The following TAS2R1 variants were observed in gnomAD, a reference collection of about 807,000 sequenced individuals.
TAS2R1 encodes the protein taste 2 receptor member 1, also known as taste receptor type 2 member 1.
For synonymous variants in TAS2R1, 141 were observed against 134.2 expected, an observed-to-expected ratio of 1.05 and a Z score of -0.35; for missense variants, 370 against 353.4, an observed-to-expected ratio of 1.05 and a Z score of -0.38.
intron 2 of TAS2R1, among the ~76,000 whole-genome samples, chr5:9,637,496 T>G (rs1739985855): frequency 6.6e-6 from 1 of 152,202 alleles, no homozygotes; most frequent in Admixed American, 6.5e-5. Context: ...CAGGGAAGCT[T>G]TGCTCAATTA....
At chr5:9,854,303 G>A in the TAS2R1 span, 1 of 151,654 alleles carries the variant, frequency 6.6e-6, no homozygotes, top group South Asian at 2.1e-4. Flanking sequence ...ATTGGATTAG[G>A]GCCTCACCTG....
Position 9,671,648 on chromosome 5 carries a change from A to G in TAS2R1, c.-241-12067T>C, listed in dbSNP as rs1450972103. Reference sequence around the variant, plus strand: ...CTTAAAGAACTCAGAGATAAAAAAAACAAATGGAAAAATATCCCATGTTCA... The same window carrying G: ...CTTAAAGAACTCAGAGATAAAAAAAGCAAATGGAAAAATATCCCATGTTCA... On this transcript the variant is annotated intron_variant, in intron 1 of 2. Transcript: ENST00000506620. Among the ~76,000 whole-genome samples, 4 of 152,192 alleles carry G rather than the reference A, an allele frequency of 2.6e-5. No individual in the cohort carries two copies. The East Asian group carries it at 7.7e-4, about 29-fold the overall frequency.
At chr5:9,766,328 G>A in the TAS2R1 span, among the ~76,000 whole-genome samples, 2 of 152,252 alleles carry the variant, frequency 1.3e-5, no homozygotes, top group Non-Finnish European at 2.9e-5. Flanking sequence ...GCCAAAACAT[G>A]TAGGAAAGAG....
the TAS2R1 span, among the ~76,000 whole-genome samples, chr5:9,810,667 A>T: frequency 2.0e-5 from 3 of 152,106 alleles, no homozygotes; most frequent in Admixed American, 2.0e-4. Context: ...GAGCCCCTGG[A>T]AGTGAGGTGC....
At chr5:9,737,175 T>G in the TAS2R1 span, among the ~76,000 whole-genome samples, 1 of 152,190 alleles carries the variant, frequency 6.6e-6, no homozygotes, top group Non-Finnish European at 1.5e-5. Context: ...AGCTCTGGTC[T>G]TCATCCTGCC....
intron 1 of TAS2R1, among the ~76,000 whole-genome samples, chr5:9,694,026 CCT>C (rs1741308436): frequency 6.6e-6 from 1 of 152,046 alleles, no homozygotes; most frequent in Non-Finnish European, 1.5e-5. Flanking sequence ...TAGTTTTTCC[CCT>C]GAGAGATATC....
the TAS2R1 span, among the ~76,000 whole-genome samples, chr5:9,822,507 G>T: frequency 6.6e-6 from 1 of 151,896 alleles, no homozygotes; most frequent in African/African-American, 2.4e-5. Context: ...GTGCCACCAC[G>T]CCTGGCTAAT....
At chr5:9,661,052 A>C (rs1740523229) in intron 1 of TAS2R1, among the ~76,000 whole-genome samples, 1 of 152,240 alleles carries the variant, frequency 6.6e-6, no homozygotes, top group Non-Finnish European at 1.5e-5. Context: ...ATTTCAGGTT[A>C]GGGAAATCTG....
the TAS2R1 span, among the ~76,000 whole-genome samples, chr5:9,898,008 C>T: frequency 0.015 from 2,277 of 152,264 alleles, 55 homozygotes; most frequent in African/African-American, 0.052. Flanking sequence ...TCTAATGACA[C>T]GGGGACTCAC....
the TAS2R1 span, among the ~76,000 whole-genome samples, chr5:9,807,674 T>C: frequency 6.6e-6 from 1 of 152,120 alleles, no homozygotes; most frequent in African/African-American, 2.4e-5. Context: ...AATGAAAAAG[T>C]AAACATCATA....
the TAS2R1 span, among the ~76,000 whole-genome samples, chr5:9,809,085 T>C: frequency 6.6e-6 from 1 of 152,218 alleles, no homozygotes; most frequent in African/African-American, 2.4e-5. Flanking sequence ...ACCTGTCTCA[T>C]CATTGCAGTT....
chr5:9,812,005 C>CT, the TAS2R1 span, among the ~76,000 whole-genome samples: 1 of 152,064 alleles, frequency 6.6e-6, no homozygotes, highest in African/African-American at 2.4e-5. Context: ...ATTGCTTGCT[C>CT]TTGTCATTAT....
Position 9,629,481 on chromosome 5 carries a change from T to C in TAS2R1, c.552A>G (p.Ser184=). 1 of 1,614,210 alleles carries C rather than the reference T, an allele frequency of 6.2e-7. No individual in the cohort carries two copies. Among genetic ancestry groups the C allele is most frequent in the Non-Finnish European group, 8.5e-7 (1 of 1,180,034 alleles). ...CAAAAAGGAAGATAAGCAATGGCACTGAGAACTCAGCAACAAAAGAGAAAA... is the reference window on the plus strand; with the variant it reads ...CAAAAAGGAAGATAAGCAATGGCACCGAGAACTCAGCAACAAAAGAGAAAA... ...IQIFSFVAEF[S]VPLLIFLFAV... is the part of the protein sequence containing the mutation. Residue 184 remains serine, a synonymous_variant, in exon 1 of 1, where the codon TCA becomes TCG. Transcript: ENST00000382492.
At chr5:9,722,992 G>T in the TAS2R1 span, among the ~76,000 whole-genome samples, 1 of 152,226 alleles carries the variant, frequency 6.6e-6, no homozygotes, top group African/African-American at 2.4e-5. Context: ...CAAAGATTGT[G>T]CCTAATTCTT....
rs140974952 is a variant in TAS2R1, at chr5:9,684,811, A to G, written c.-241-25230T>C. The stretch of plus-strand genomic sequence containing the variant: ...CATAGTATACATGTATCAAAATCTC[A>G]CTCTGTTGCATAAATATGTACAATG... On this transcript the variant is annotated intron_variant, in intron 1 of 2. Coordinates refer to the TAS2R1 transcript ENST00000506620. Among the ~76,000 whole-genome samples the G allele has an allele frequency of 5.6e-3, 847 of 152,272 alleles. 10 individuals are homozygous for G. Among genetic ancestry groups the G allele is most frequent in the African/African-American group, 0.019 (796 of 41,550 alleles).
At chr5:9,875,671 A>G in the TAS2R1 span, among the ~76,000 whole-genome samples, 5 of 152,154 alleles carry the variant, frequency 3.3e-5, no homozygotes, top group Non-Finnish European at 7.4e-5. Context: ...CCACAACTCA[A>G]TGGCTCAGAT....
chr5:9,797,192 G>C, the TAS2R1 span, among the ~76,000 whole-genome samples: 8 of 152,150 alleles, frequency 5.3e-5, no homozygotes, highest in African/African-American at 1.9e-4. Context: ...CCTCCTCCCC[G>C]GGGAAGACTT....
chr5:9,727,246 C>T, the TAS2R1 span, among the ~76,000 whole-genome samples: 1 of 152,200 alleles, frequency 6.6e-6, no homozygotes, highest in Non-Finnish European at 1.5e-5. Flanking sequence ...ATGTGATAGT[C>T]ATCTTTGTTC....
At chr5:9,668,434 T>C (rs1460783463) in intron 1 of TAS2R1, among the ~76,000 whole-genome samples, 1 of 152,040 alleles carries the variant, frequency 6.6e-6, no homozygotes, top group Non-Finnish European at 1.5e-5. Flanking sequence ...CCTTACAAGA[T>C]GGCAATTCCC....
Sources: gnomAD v4.1 joint callset for allele counts (sites outside exome capture counted in the v4.1 genomes callset) on GRCh38, gnomAD v4.1.1 for gene constraint, MANE v1.5 for transcripts, NCBI Gene and HGNC (gene_info 2026-07-23, HGNC 2026-07-21) for gene names.